Variants in LDB2 observed in about 807,000 individuals in gnomAD.
The protein encoded by LDB2 is LIM domain-binding protein 2.
A neutral mutation model predicts 44.3 loss-of-function variants in LDB2; 12 were observed. That is an observed-to-expected ratio of 0.27 (90% CI 0.17 to 0.44). The LOEUF (loss-of-function observed/expected upper bound fraction) is 0.44, where lower values mean the gene tolerates loss of function less well. Ranked by LOEUF, LDB2 falls within the 20% of genes least tolerant of loss-of-function variation. LDB2 has a pLI of 1.00. For missense variants in LDB2, 344 were observed against 473.5 expected, an observed-to-expected ratio of 0.73 and a Z score of 2.54; for synonymous variants, 164 against 174.8, an observed-to-expected ratio of 0.94 and a Z score of 0.49.
intron 1 of LDB2, among the ~76,000 whole-genome samples, chr4:16,878,030 C>A (rs897227584): frequency 6.6e-6 from 1 of 152,000 alleles, no homozygotes; most frequent in Admixed American, 6.6e-5. Flanking sequence ...CTAAATCAAT[C>A]TATGATTTAA....
At chr4:16,694,319 C>G (rs1751579123) in intron 2 of LDB2, among the ~76,000 whole-genome samples, 1 of 152,196 alleles carries the variant, frequency 6.6e-6, no homozygotes, top group African/African-American at 2.4e-5. Context: ...AGAAGAAACT[C>G]AGAAGAGAGG....
chr4:16,821,041 C>T (rs906017428), intron 1 of LDB2, among the ~76,000 whole-genome samples: 2 of 152,178 alleles, frequency 1.3e-5, no homozygotes, highest in African/African-American at 4.8e-5. Flanking sequence ...GACCACTCAT[C>T]AATTGCTTTA....
chr4:16,595,620 G>A (rs1443455414), intron 3 of LDB2, 83 bp downstream of exon 3: 2 of 1,310,848 alleles, frequency 1.5e-6, no homozygotes, highest in Non-Finnish European at 2.1e-6. Context: ...TCGGCCCCAG[G>A]TTCCATAGGA....
intron 5 of LDB2, among the ~76,000 whole-genome samples, chr4:16,583,581 G>T (rs144236270): frequency 1.3e-5 from 2 of 152,130 alleles, no homozygotes; most frequent in African/African-American, 4.8e-5. Flanking sequence ...AGATGATAAG[G>T]CTACTAGAAG....
chr4:16,549,650 G>A (rs1446257827), intron 5 of LDB2, among the ~76,000 whole-genome samples: 2 of 152,100 alleles, frequency 1.3e-5, no homozygotes, highest in East Asian at 3.8e-4. Context: ...GCGCACCTCT[G>A]TTGAAAGACC....
At chr4:16,536,877 G>T (rs1732048829) in intron 5 of LDB2, among the ~76,000 whole-genome samples, 1 of 152,222 alleles carries the variant, frequency 6.6e-6, no homozygotes, top group Admixed American at 6.5e-5. Context: ...CTCAGTCTCT[G>T]TGTTCAAAAA....
intron 2 of LDB2, among the ~76,000 whole-genome samples, chr4:16,692,342 G>A (rs1446080984): frequency 2.0e-5 from 3 of 152,092 alleles, no homozygotes; most frequent in Admixed American, 6.5e-5. Flanking sequence ...CATATCTGAC[G>A]TCTTCTTAAG....
intron 1 of LDB2, among the ~76,000 whole-genome samples, chr4:16,761,339 C>T (rs1767870264): frequency 6.6e-6 from 1 of 152,148 alleles, no homozygotes; most frequent in Non-Finnish European, 1.5e-5. Context: ...CTTTGAGAGG[C>T]TGTGGTTAGG....
At chr4:16,857,072 C>T (rs2110227735) in intron 1 of LDB2, among the ~76,000 whole-genome samples, 1 of 152,244 alleles carries the variant, frequency 6.6e-6, no homozygotes, top group Admixed American at 6.5e-5. Flanking sequence ...ACCATGCAAG[C>T]CCATCATGAC....
chr4:16,513,421 G>T (rs1048654235), intron 5 of LDB2, among the ~76,000 whole-genome samples: 22 of 152,194 alleles, frequency 1.4e-4, no homozygotes, highest in African/African-American at 5.1e-4. Context: ...GAAACCATCT[G>T]CTTCTAAGTC....
intron 1 of LDB2, among the ~76,000 whole-genome samples, chr4:16,774,479 C>G (rs1252095923): frequency 2.0e-5 from 3 of 152,128 alleles, no homozygotes; most frequent in African/African-American, 7.2e-5. Flanking sequence ...GATGGAGTCA[C>G]CATCTTCTTT....
At chr4:16,854,361 T>C (rs932990492) in intron 1 of LDB2, among the ~76,000 whole-genome samples, 7 of 151,546 alleles carry the variant, frequency 4.6e-5, no homozygotes, top group South Asian at 4.2e-4. Context: ...GTCACAGTTA[T>C]ATAATTCTGT....
intron 1 of LDB2, among the ~76,000 whole-genome samples, chr4:16,854,274 C>A (rs1412127967): frequency 2.6e-5 from 4 of 151,954 alleles, no homozygotes; most frequent in East Asian, 1.9e-4. Flanking sequence ...TAAATATACA[C>A]AATAAAGTTT....
intron 2 of LDB2, among the ~76,000 whole-genome samples, chr4:16,624,208 T>C (rs1352293177): frequency 6.6e-6 from 1 of 152,194 alleles, no homozygotes; most frequent in East Asian, 1.9e-4. Context: ...TGTTACACAG[T>C]GTAGCATCCC....
At chr4:16,699,148 G>GGCAT (rs1194730737) in intron 2 of LDB2, among the ~76,000 whole-genome samples, 1 of 152,180 alleles carries the variant, frequency 6.6e-6, no homozygotes, top group Non-Finnish European at 1.5e-5. Flanking sequence ...AGGAGATGAT[G>GGCAT]GCATCTTCAG....
intron 2 of LDB2, among the ~76,000 whole-genome samples, chr4:16,627,495 C>A (rs1489201029): frequency 6.6e-6 from 1 of 152,166 alleles, no homozygotes; most frequent in South Asian, 2.1e-4. Context: ...TCATCATCAT[C>A]GTCATCATTA....
intron 2 of LDB2, among the ~76,000 whole-genome samples, chr4:16,722,254 A>G (rs982086720): frequency 4.6e-5 from 7 of 152,134 alleles, no homozygotes; most frequent in Non-Finnish European, 2.9e-5. Context: ...ACTAAGTACC[A>G]TTAGTAAACC....
intron 1 of LDB2, among the ~76,000 whole-genome samples, chr4:16,770,353 C>T (rs1312881723): frequency 1.3e-5 from 2 of 151,976 alleles, no homozygotes; most frequent in Non-Finnish European, 2.9e-5. Context: ...TTCTCAAAAC[C>T]CAGAAGAAAA....
Position 16,883,028 on chromosome 4 carries a change from AC to A in LDB2, c.132+15325del, listed in dbSNP as rs562873720. Among the ~76,000 whole-genome samples, 17 of 152,320 alleles carry A rather than the reference AC, an allele frequency of 1.1e-4. No homozygotes were observed. In the South Asian group the frequency reaches 3.1e-3, roughly 28 times the overall value. On this transcript the variant is annotated intron_variant, in intron 1 of 7. Coordinates refer to ENST00000304523, the MANE Select transcript of LDB2 (RefSeq NM_001290.5). ...CTTATTTTATGAGGACGGAAAAAAA[AC>A]AACCATCGAGCCTTCCTTTATGTGC...
Sources: gnomAD v4.1 joint callset for allele counts (sites outside exome capture counted in the v4.1 genomes callset) on GRCh38, gnomAD v4.1.1 for gene constraint, MANE v1.5 for transcripts, NCBI Gene and HGNC (gene_info 2026-07-23, HGNC 2026-07-21) for gene names.